The following PDE4D variants were observed in gnomAD, a reference collection of about 807,000 sequenced individuals.
The protein encoded by PDE4D is phosphodiesterase 4D.
PDE4D carries 24 observed loss-of-function variants against 87.4 expected under a neutral mutation model. That is an observed-to-expected ratio of 0.27 (90% CI 0.20 to 0.39). The LOEUF is 0.39. Ranked by LOEUF, PDE4D falls within the 10% of genes least tolerant of loss-of-function variation. PDE4D has a pLI of 1.00. For missense variants in PDE4D, 714 were observed against 1,041.0 expected, an observed-to-expected ratio of 0.69 and a Z score of 4.32; for synonymous variants, 384 against 383.2, an observed-to-expected ratio of 1.00 and a Z score of -0.02.
intron 5 of PDE4D, among the ~76,000 whole-genome samples, chr5:59,082,287 C>A (rs1420300783): frequency 6.6e-6 from 1 of 152,004 alleles, no homozygotes; most frequent in East Asian, 1.9e-4. Flanking sequence ...ACAATGAAAT[C>A]AGAAACAAAA....
chr5:59,075,286 A>G (rs1319860287), intron 5 of PDE4D, among the ~76,000 whole-genome samples: 1 of 152,166 alleles, frequency 6.6e-6, no homozygotes, highest in Non-Finnish European at 1.5e-5. Context: ...GATGAAACTT[A>G]TTTCTTTGAA....
intron 4 of PDE4D, among the ~76,000 whole-genome samples, chr5:59,184,304 G>A (rs758926765): frequency 8.0e-4 from 122 of 152,152 alleles, no homozygotes; most frequent in Non-Finnish European, 1.4e-3. Context: ...CTTGAATAAC[G>A]GCCAGAGCTA....
chr5:59,996,975 C>T (rs951720621), intron 2 of PDE4D, among the ~76,000 whole-genome samples: 3 of 152,084 alleles, frequency 2.0e-5, no homozygotes, highest in Non-Finnish European at 4.4e-5. Flanking sequence ...TTTCCTATAA[C>T]TCAGTCATCA....
intron 1 of PDE4D, among the ~76,000 whole-genome samples, chr5:59,413,407 G>A (rs34873866): frequency 3.5e-5 from 5 of 142,166 alleles, no homozygotes; most frequent in Admixed American, 7.3e-5. Flanking sequence ...GCAGTGAGCC[G>A]AGATCGCGCC....
At chr5:59,491,903 A>G (rs1299790915) in intron 1 of PDE4D, among the ~76,000 whole-genome samples, 1 of 152,178 alleles carries the variant, frequency 6.6e-6, no homozygotes, top group Non-Finnish European at 1.5e-5. Context: ...TTTATTTACT[A>G]AAGTTAGGAT....
intron 1 of PDE4D, among the ~76,000 whole-genome samples, chr5:59,889,520 TCAAA>T (rs1750652298): frequency 6.6e-6 from 1 of 152,012 alleles, no homozygotes. Context: ...AATAAATGAA[TCAAA>T]CAAAGTATCT....
intron 9 of PDE4D, 27 bp downstream of exon 9, chr5:58,990,777 A>T: frequency 8.3e-7 from 1 of 1,205,298 alleles, no homozygotes; most frequent in South Asian, 1.3e-5. Flanking sequence ...TAAATAAAAT[A>T]AATGTAATAG....
intron 1 of PDE4D, among the ~76,000 whole-genome samples, chr5:59,335,837 C>T (rs1158620671): frequency 1.3e-5 from 2 of 152,142 alleles, no homozygotes; most frequent in Admixed American, 6.5e-5. Context: ...GTTCAAAAGA[C>T]TCCAGAAATA....
At chr5:59,025,293 C>T (rs1580366906) in intron 6 of PDE4D, among the ~76,000 whole-genome samples, 1 of 151,962 alleles carries the variant, frequency 6.6e-6, no homozygotes, top group East Asian at 1.9e-4. Context: ...TTCATTTTTT[C>T]CCTAAAGATT....
At chr5:59,077,558 T>A (rs954165345) in intron 5 of PDE4D, among the ~76,000 whole-genome samples, 6 of 150,000 alleles carry the variant, frequency 4.0e-5, no homozygotes, top group African/African-American at 1.5e-4. Context: ...AACCTCTGCC[T>A]CTCAGGTTCT....
chr5:59,738,725 C>T (rs1205569827), intron 1 of PDE4D, among the ~76,000 whole-genome samples: 2 of 151,382 alleles, frequency 1.3e-5, no homozygotes, highest in Non-Finnish European at 2.9e-5. Flanking sequence ...AAATATATTT[C>T]TATACTCTAG....
intron 1 of PDE4D, among the ~76,000 whole-genome samples, chr5:59,291,687 T>C (rs1768035872): frequency 6.6e-6 from 1 of 151,046 alleles, no homozygotes; most frequent in Admixed American, 6.6e-5. Context: ...CACAAATATA[T>C]ACACCTACTA....
rs187671568 is a variant in PDE4D, at chr5:59,368,583, A to T, written c.456-152615T>A. ...CATGTAAATGATTCCACTGATTTGC[A>T]ATTATCTGGATAACTGCTCAGCAGG... On this transcript the variant is annotated intron_variant, in intron 1 of 14. Coordinates refer to ENST00000340635, the MANE Select transcript of PDE4D (RefSeq NM_001104631.2). Among the ~76,000 whole-genome samples, 176 of 152,322 alleles carry T rather than the reference A, an allele frequency of 1.2e-3. 1 individual carries two copies. The highest frequency in any genetic ancestry group is 3.4e-3 in the Middle Eastern group (1 of 294).
chr5:59,665,682 T>C (rs1378979176), intron 1 of PDE4D, among the ~76,000 whole-genome samples: 1 of 152,202 alleles, frequency 6.6e-6, no homozygotes, highest in African/African-American at 2.4e-5. Context: ...TGAAATCTAA[T>C]CACCAATGCA....
intron 3 of PDE4D, among the ~76,000 whole-genome samples, chr5:59,185,553 T>C (rs1459103565): frequency 6.6e-6 from 1 of 152,102 alleles, no homozygotes; most frequent in Non-Finnish European, 1.5e-5. Flanking sequence ...TTCCAGGCAA[T>C]ACACAGATAA....
At chr5:59,393,135 A>G (rs958687361) in intron 1 of PDE4D, among the ~76,000 whole-genome samples, 3 of 152,168 alleles carry the variant, frequency 2.0e-5, no homozygotes, top group African/African-American at 7.2e-5. Context: ...GGAAAGAGTC[A>G]ACCTAGGACA....
intron 1 of PDE4D, among the ~76,000 whole-genome samples, chr5:59,401,019 G>C (rs1057274046): frequency 1.3e-5 from 2 of 152,170 alleles, no homozygotes; most frequent in African/African-American, 4.8e-5. Context: ...TTTGGTCACT[G>C]ACATGAGATA....
chr5:59,733,067 G>T (rs555794558), intron 1 of PDE4D, among the ~76,000 whole-genome samples: 43 of 152,156 alleles, frequency 2.8e-4, no homozygotes, highest in African/African-American at 1.0e-3. Context: ...CACTGTCCTT[G>T]TTTGCAAAGT....
chr5:59,366,743 A>T (rs1237272492), intron 1 of PDE4D, among the ~76,000 whole-genome samples: 1 of 152,164 alleles, frequency 6.6e-6, no homozygotes, highest in African/African-American at 2.4e-5. Context: ...CTTGTTTGTC[A>T]TGAACAAGAC....
Sources: gnomAD v4.1 joint callset for allele counts (sites outside exome capture counted in the v4.1 genomes callset) on GRCh38, gnomAD v4.1.1 for gene constraint, MANE v1.5 for transcripts, NCBI Gene and HGNC (gene_info 2026-07-23, HGNC 2026-07-21) for gene names.